The following GRID1 variants were observed in gnomAD, a reference collection of about 807,000 sequenced individuals.
GRID1 encodes the protein glutamate receptor ionotropic, delta-1.
GRID1 carries 28 observed loss-of-function variants against 98.0 expected under a neutral mutation model. The observed-to-expected ratio is 0.29, with a 90% confidence interval of 0.21 to 0.39. The LOEUF (loss-of-function observed/expected upper bound fraction) is 0.39, where lower values mean the gene tolerates loss of function less well. Ranked by LOEUF, GRID1 falls within the 10% of genes least tolerant of loss-of-function variation. The probability of loss-of-function intolerance (pLI) is 1.00; values close to 1 mark genes in which losing one functional copy is unlikely to be tolerated. For missense variants in GRID1, 1,111 were observed against 1,340.5 expected, an observed-to-expected ratio of 0.83 and a Z score of 2.67; for synonymous variants, 553 against 538.5, an observed-to-expected ratio of 1.03 and a Z score of -0.37.
At chr10:85,957,170 G>T (rs758434955) in intron 4 of GRID1, among the ~76,000 whole-genome samples, 12 of 152,138 alleles carry the variant, frequency 7.9e-5, no homozygotes, top group Non-Finnish European at 1.8e-4. Context: ...AACACGTGGG[G>T]ATTACAATTC....
At chr10:85,862,626 T>C (rs1843174457) in intron 6 of GRID1, among the ~76,000 whole-genome samples, 3 of 152,092 alleles carry the variant, frequency 2.0e-5, no homozygotes, top group African/African-American at 7.2e-5. Context: ...TGAGCTCTTG[T>C]TGGGGGCTTG....
intron 4 of GRID1, among the ~76,000 whole-genome samples, chr10:85,976,620 T>G (rs1304285489): frequency 2.0e-5 from 3 of 152,242 alleles, no homozygotes; most frequent in African/African-American, 7.2e-5. Flanking sequence ...CACCTGTGCG[T>G]GCACCTCCAG....
In GRID1 at chr10:85,660,837, T is replaced by TAGGCAATG. The variant is rs1381444168; in HGVS notation, c.1998-13448_1998-13441dup. On this transcript the variant is annotated intron_variant, in intron 12 of 15. Coordinates refer to ENST00000327946, the MANE Select transcript of GRID1 (RefSeq NM_017551.3). Reference sequence around the variant, plus strand: ...CAGGGCAGGGAAGGAGTTCAGAACCTAGGCAATGGAGTCAGAGTGTGCTTT... The same window carrying TAGGCAATG: ...CAGGGCAGGGAAGGAGTTCAGAACCTAGGCAATGAGGCAATGGAGTCAGAGTGTGCTTT... Among the ~76,000 whole-genome samples the TAGGCAATG allele has an allele frequency of 5.9e-5, 9 of 152,184 alleles. No homozygotes were observed. The South Asian group carries it at 1.2e-3, about 21-fold the overall frequency.
At chr10:86,298,122 C>T (rs1436918269) in intron 2 of GRID1, among the ~76,000 whole-genome samples, 1 of 152,034 alleles carries the variant, frequency 6.6e-6, no homozygotes, top group Admixed American at 6.5e-5. Flanking sequence ...TTTATAATAA[C>T]CAGAAACAGA....
intron 2 of GRID1, among the ~76,000 whole-genome samples, chr10:86,327,971 T>A (rs900567087): frequency 6.6e-6 from 1 of 151,466 alleles, no homozygotes; most frequent in South Asian, 2.1e-4. Flanking sequence ...ATATGGTTTG[T>A]TATTGTGCAA....
intron 5 of GRID1, among the ~76,000 whole-genome samples, chr10:85,891,014 T>C (rs1361116801): frequency 6.6e-6 from 1 of 152,146 alleles, no homozygotes; most frequent in Non-Finnish European, 1.5e-5. Flanking sequence ...ATAAATATAA[T>C]AACAGCTGAT....
At chr10:86,153,626 A>G (rs1845201179) in intron 3 of GRID1, among the ~76,000 whole-genome samples, 1 of 152,188 alleles carries the variant, frequency 6.6e-6, no homozygotes, top group South Asian at 2.1e-4. Flanking sequence ...GAGCTCTGCA[A>G]GAACAGCATG....
At chr10:85,647,176 G>T in intron 13 of GRID1, 26 bp downstream of exon 13, 1 of 1,599,484 alleles carries the variant, frequency 6.3e-7, no homozygotes, top group Non-Finnish European at 8.6e-7. Flanking sequence ...TACAGTGCAC[G>T]TGCCCAAGCG....
Position 85,723,470 on chromosome 10 carries a change from C to T in GRID1, c.1859-329G>A, listed in dbSNP as rs995838718. On this transcript the variant is annotated intron_variant, in intron 11 of 15. Coordinates refer to ENST00000327946, the MANE Select transcript of GRID1 (RefSeq NM_017551.3). ...AGATTCTACCTCACAGTGGTAAGAACTTCTAGGGCTGCAGCCTTATGTAAG... is the reference window on the plus strand; with the variant it reads ...AGATTCTACCTCACAGTGGTAAGAATTTCTAGGGCTGCAGCCTTATGTAAG... Among the ~76,000 whole-genome samples the T allele has an allele frequency of 7.9e-5, 12 of 152,164 alleles. No individual in the cohort carries two copies. In the East Asian group the frequency reaches 1.5e-3, roughly 20 times the overall value.
intron 2 of GRID1, among the ~76,000 whole-genome samples, chr10:86,249,965 G>C (rs180777925): frequency 6.6e-6 from 1 of 152,166 alleles, no homozygotes; most frequent in East Asian, 1.9e-4. Flanking sequence ...TGAATGGGGG[G>C]TGGGTGGATA....
rs115096162 is a variant in GRID1 at position 85,860,428 on chromosome 10, T to C, written c.952-4238A>G. Among the ~76,000 whole-genome samples, 332 of 152,294 alleles carry C rather than the reference T, an allele frequency of 2.2e-3. 2 individuals carry two copies. The highest frequency in any genetic ancestry group is 7.6e-3 in the African/African-American group (316 of 41,576). ...AGACCTGGCTGCAAAGCAAAATACC[T>C]GGAGCCAGGTCAGAGATGCTAGAGG... is the stretch of plus-strand genomic sequence containing the variant. On this transcript the variant is annotated intron_variant, in intron 6 of 15. Coordinates refer to ENST00000327946, the MANE Select transcript of GRID1 (RefSeq NM_017551.3).
chr10:85,804,058 TG>T, intron 8 of GRID1, among the ~76,000 whole-genome samples: 1 of 149,758 alleles, frequency 6.7e-6, no homozygotes. Context: ...TCAATGAAAT[TG>T]AAAAAAAACA....
At chr10:86,345,455 C>G (rs529518220) in intron 2 of GRID1, among the ~76,000 whole-genome samples, 1 of 152,340 alleles carries the variant, frequency 6.6e-6, no homozygotes, top group Admixed American at 6.5e-5. Context: ...TCTCCCCTCT[C>G]TGTGGCAGAC....
At chr10:85,804,257 T>C (rs1259314924) in intron 8 of GRID1, among the ~76,000 whole-genome samples, 1 of 151,548 alleles carries the variant, frequency 6.6e-6, no homozygotes, top group East Asian at 1.9e-4. Flanking sequence ...CTATAAATAA[T>C]ATGCCAATGA....
At chr10:85,769,915 C>G (rs1014845819) in intron 8 of GRID1, among the ~76,000 whole-genome samples, 4 of 152,230 alleles carry the variant, frequency 2.6e-5, no homozygotes, top group African/African-American at 4.8e-5. Flanking sequence ...CAAACAAAAA[C>G]ACGGCAGTAA....
At chr10:86,062,596 G>A (rs1355527698) in intron 4 of GRID1, among the ~76,000 whole-genome samples, 2 of 152,282 alleles carry the variant, frequency 1.3e-5, no homozygotes, top group East Asian at 3.9e-4. Flanking sequence ...CACTGTCATG[G>A]GGAGTCTGTG....
intron 3 of GRID1, among the ~76,000 whole-genome samples, chr10:86,178,839 T>C (rs1473653415): frequency 1.2e-4 from 18 of 152,156 alleles, no homozygotes; most frequent in Non-Finnish European, 4.4e-5. Context: ...CAGTGCCATG[T>C]CCAGGGAAGC....
At chr10:85,825,950 G>T (rs994133650) in intron 8 of GRID1, among the ~76,000 whole-genome samples, 1 of 152,032 alleles carries the variant, frequency 6.6e-6, no homozygotes, top group Non-Finnish European at 1.5e-5. Flanking sequence ...AGGAAAAAAA[G>T]ATAAAATAAC....
At chr10:86,148,838 G>A (rs1312969351) in intron 3 of GRID1, among the ~76,000 whole-genome samples, 3 of 152,114 alleles carry the variant, frequency 2.0e-5, no homozygotes, top group Non-Finnish European at 4.4e-5. Context: ...GCTCCCCCAG[G>A]GGTGCACAGA....
Sources: allele counts gnomAD v4.1 joint callset (sites outside exome capture counted in the v4.1 genomes callset), GRCh38; gene constraint gnomAD v4.1.1; transcripts MANE v1.5; gene names NCBI Gene and HGNC (gene_info 2026-07-23, HGNC 2026-07-21).